PHF24: variants seen among roughly 807,000 people sequenced by gnomAD.
PHF24 encodes Galpha inhibitory interacting protein.
Under a neutral mutation model 42.6 loss-of-function variants are expected in PHF24, and 25 were observed. The ratio of observed to expected loss-of-function variants is 0.59; its 90% CI spans 0.43 to 0.82. The LOEUF (loss-of-function observed/expected upper bound fraction) is 0.82. Ranked by LOEUF, PHF24 falls within the 40% of genes least tolerant of loss-of-function variation. The pLI, the probability that PHF24 is intolerant of heterozygous loss-of-function variation, is 0.00. For synonymous variants in PHF24, 185 were observed against 204.8 expected (o/e 0.90, Z 0.83); for missense variants, 470 against 538.1 (o/e 0.87, Z 1.25).
the PHF24 span, among the ~76,000 whole-genome samples, chr9:34,744,458 G>T: frequency 6.6e-6 from 1 of 152,148 alleles, no homozygotes; most frequent in African/African-American, 2.4e-5. Flanking sequence ...GCTCAGTGCT[G>T]CATACTCAGA....
At chr9:34,964,273 T>C (rs1408417170) in intron 1 of PHF24, among the ~76,000 whole-genome samples, 2 of 152,080 alleles carry the variant, frequency 1.3e-5, no homozygotes, top group Admixed American at 6.5e-5. Context: ...TCCATCCCCA[T>C]ACCAAGAATC....
the PHF24 span, chr9:34,709,682 C>A: frequency 6.2e-7 from 1 of 1,613,730 alleles, no homozygotes; most frequent in African/African-American, 1.3e-5. Flanking sequence ...GGGGCAAGAA[C>A]CTGCGGGTGG....
chr9:34,821,058 T>C, the PHF24 span, among the ~76,000 whole-genome samples: 1 of 152,212 alleles, frequency 6.6e-6, no homozygotes, highest in Admixed American at 6.5e-5. Context: ...GTTCATGTCC[T>C]TTGCCCATAA....
chr9:34,706,143 C>A, the PHF24 span, among the ~76,000 whole-genome samples: 15 of 152,030 alleles, frequency 9.9e-5, no homozygotes, highest in African/African-American at 3.6e-4. Flanking sequence ...TTTATATAGT[C>A]AAAATAATGT....
the PHF24 span, among the ~76,000 whole-genome samples, chr9:34,909,797 GTT>G: frequency 1.3e-5 from 2 of 151,992 alleles, no homozygotes; most frequent in East Asian, 3.9e-4. Context: ...AATTTTTTCT[GTT>G]TTTTGGTAGA....
At chr9:34,766,509 T>TG in the PHF24 span, among the ~76,000 whole-genome samples, 29 of 152,248 alleles carry the variant, frequency 1.9e-4, no homozygotes, top group Non-Finnish European at 3.2e-4. Flanking sequence ...CTGAGGCTTC[T>TG]GCATTCTTCA....
chr9:34,873,263 A>C, the PHF24 span, among the ~76,000 whole-genome samples: 1 of 151,974 alleles, frequency 6.6e-6, no homozygotes, highest in African/African-American at 2.4e-5. Context: ...GGTGTTTTAG[A>C]CATGAAGTCC....
At chr9:34,710,907 C>T in the PHF24 span, among the ~76,000 whole-genome samples, 2 of 152,086 alleles carry the variant, frequency 1.3e-5, no homozygotes, top group Non-Finnish European at 2.9e-5. Context: ...TAGGTATGAG[C>T]GACTGCACCT....
chr9:34,751,703 T>C, the PHF24 span, among the ~76,000 whole-genome samples: 1 of 152,156 alleles, frequency 6.6e-6, no homozygotes, highest in Non-Finnish European at 1.5e-5. Context: ...CAAATGGACC[T>C]CTAATGGATA....
rs1024645936 is a variant in PHF24 at position 34,958,895 on chromosome 9, G to T, written c.-5+494G>T. 5.3e-5 allele frequency among the ~76,000 whole-genome samples: 8 copies of T among 152,198 alleles called. No individual in the cohort carries two copies. Among genetic ancestry groups the T allele is most frequent in the Non-Finnish European group, 1.2e-4 (8 of 68,026 alleles). ...ACTGGGGAGGGGGATCCTCCCATGG[G>T]ATCCATGAGTGACTTCCCACGGCTC... On this transcript the variant is annotated intron_variant, in intron 1 of 7. Transcript: ENST00000242315. This position sits in a 1 kb window ranked among gnomAD's most constrained non-coding sequence, Gnocchi z 4.5.
At chr9:34,873,028 T>G in the PHF24 span, among the ~76,000 whole-genome samples, 78 of 150,744 alleles carry the variant, frequency 5.2e-4, 1 homozygote, top group African/African-American at 1.9e-3. Context: ...GTTCATGTCC[T>G]TTGCCCACTT....
chr9:34,953,686 T>C (rs1287528113), upstream of PHF24, among the ~76,000 whole-genome samples: 1 of 152,162 alleles, frequency 6.6e-6, no homozygotes, highest in Non-Finnish European at 1.5e-5. This position sits in a 1 kb window ranked among gnomAD's most constrained non-coding sequence, Gnocchi z 4.1. Context: ...GGTTCACACC[T>C]GTAATCTCGG....
chr9:34,745,941 C>A, the PHF24 span, among the ~76,000 whole-genome samples: 4 of 152,026 alleles, frequency 2.6e-5, no homozygotes, highest in African/African-American at 9.7e-5. Flanking sequence ...ACTTTAAAAA[C>A]TTTGGTAAAA....
chr9:34,777,465 C>T, the PHF24 span, among the ~76,000 whole-genome samples: 10 of 152,062 alleles, frequency 6.6e-5, no homozygotes, highest in East Asian at 3.9e-4. Context: ...GTGGCTAGGG[C>T]GAGGGCAGTG....
chr9:34,776,893 T>G, the PHF24 span, among the ~76,000 whole-genome samples: 1 of 152,252 alleles, frequency 6.6e-6, no homozygotes, highest in African/African-American at 2.4e-5. Flanking sequence ...TTCCTGAAGA[T>G]GTATCTAAGG....
At chr9:34,896,721 C>T in the PHF24 span, among the ~76,000 whole-genome samples, 3 of 152,172 alleles carry the variant, frequency 2.0e-5, no homozygotes, top group Non-Finnish European at 2.9e-5. Flanking sequence ...GGATCTACCA[C>T]TCCTTTGCCC....
chr9:34,763,774 C>A, the PHF24 span, among the ~76,000 whole-genome samples: 1 of 152,104 alleles, frequency 6.6e-6, no homozygotes, highest in Non-Finnish European at 1.5e-5. Flanking sequence ...CTGTCTTGTG[C>A]CAGTTTTCAA....
the PHF24 span, among the ~76,000 whole-genome samples, chr9:34,899,527 C>G: frequency 6.6e-6 from 1 of 152,166 alleles, no homozygotes; most frequent in Non-Finnish European, 1.5e-5. Flanking sequence ...CTCAAATATA[C>G]CAAGGTGCCG....
At chr9:34,838,151 T>C in the PHF24 span, among the ~76,000 whole-genome samples, 2 of 152,190 alleles carry the variant, frequency 1.3e-5, no homozygotes, top group African/African-American at 4.8e-5. Flanking sequence ...GGCTTTTCAA[T>C]TAGAGTATGG....
Sources: allele counts gnomAD v4.1 joint callset (sites outside exome capture counted in the v4.1 genomes callset), GRCh38; gene constraint gnomAD v4.1.1; non-coding constraint Gnocchi (gnomAD v3.1); transcripts MANE v1.5; gene names NCBI Gene and HGNC (gene_info 2026-07-23, HGNC 2026-07-21).